The following CNTNAP2 variants were observed in gnomAD, a reference collection of about 807,000 sequenced individuals.
CNTNAP2 encodes the protein contactin-associated protein-like 2.
Under a neutral mutation model 155.2 loss-of-function variants are expected in CNTNAP2, and 98 were observed. The ratio of observed to expected loss-of-function variants is 0.63; its 90% CI spans 0.54 to 0.75. The LOEUF (loss-of-function observed/expected upper bound fraction) is 0.75. Ranked by LOEUF, CNTNAP2 falls within the 30% of genes least tolerant of loss-of-function variation. CNTNAP2 has a pLI of 0.00. For missense variants in CNTNAP2, 1,727 were observed against 1,688.1 expected (o/e 1.02, Z -0.40); for synonymous variants, 651 against 631.2 (o/e 1.03, Z -0.47).
At chr7:148,228,670 A>G (rs1389173181) in intron 19 of CNTNAP2, among the ~76,000 whole-genome samples, 1 of 150,260 alleles carries the variant, frequency 6.7e-6, no homozygotes, top group African/African-American at 2.4e-5. Context: ...AAAAATACCA[A>G]AAAAAAAATT....
In CNTNAP2 at chr7:147,667,830, AAAT is replaced by A. The variant is rs1340719543; in HGVS notation, c.2098+28527_2098+28529del. ...AAATAATAAAAAAAATAAAATAAAA[AAAT>A]AAAAGATACCAATGCAATTCTGGAA... is the stretch of plus-strand genomic sequence containing the variant. On this transcript the variant is annotated intron_variant, in intron 13 of 23. Transcript: ENST00000361727. 1.5e-3 allele frequency among the ~76,000 whole-genome samples: 219 copies of A among 148,936 alleles called. 3 individuals are homozygous for A. Among genetic ancestry groups the A allele is most frequent in the Middle Eastern group, 6.8e-3 (2 of 292 alleles).
chr7:146,921,627 T>C (rs1256428089), intron 3 of CNTNAP2, among the ~76,000 whole-genome samples: 2 of 152,068 alleles, frequency 1.3e-5, no homozygotes, highest in Non-Finnish European at 2.9e-5. Context: ...ATTTATTAAA[T>C]AATCACTACT....
chr7:147,913,807 G>T (rs901863481), intron 14 of CNTNAP2, among the ~76,000 whole-genome samples: 13 of 152,266 alleles, frequency 8.5e-5, no homozygotes, highest in African/African-American at 3.1e-4. Context: ...GAGATGATGT[G>T]AGAATCAGGG....
At chr7:146,838,171 C>T (rs1312866130) in intron 2 of CNTNAP2, among the ~76,000 whole-genome samples, 1 of 152,158 alleles carries the variant, frequency 6.6e-6, no homozygotes, top group Non-Finnish European at 1.5e-5. Flanking sequence ...TGTTTGGGAT[C>T]ATCTTCCATA....
chr7:148,225,501 G>T (rs1795828393), intron 19 of CNTNAP2, among the ~76,000 whole-genome samples: 1 of 152,136 alleles, frequency 6.6e-6, no homozygotes, highest in South Asian at 2.1e-4. Context: ...CAGGAGGTTA[G>T]GTCAGCAATA....
chr7:148,096,279 A>ATGTGTGTGTGTG (rs3056207), intron 15 of CNTNAP2, among the ~76,000 whole-genome samples: 1 of 144,722 alleles, frequency 6.9e-6, no homozygotes, highest in African/African-American at 2.5e-5. Flanking sequence ...GCATGCATGC[A>ATGTGTGTGTGTG]TGTGTGTGTG....
At chr7:146,738,160 C>G (rs1801652612) in intron 1 of CNTNAP2, among the ~76,000 whole-genome samples, 1 of 152,048 alleles carries the variant, frequency 6.6e-6, no homozygotes, top group Non-Finnish European at 1.5e-5. Context: ...TTTTTCTCCA[C>G]ATCCTCACCA....
chr7:148,291,293 T>C (rs528296380), intron 21 of CNTNAP2, among the ~76,000 whole-genome samples: 66 of 74,146 alleles, frequency 8.9e-4, no homozygotes, highest in African/African-American at 3.2e-3. Flanking sequence ...ATGGAATATA[T>C]ATATAATATA....
intron 17 of CNTNAP2, among the ~76,000 whole-genome samples, chr7:148,167,424 C>G (rs1805689141): frequency 6.6e-6 from 1 of 151,546 alleles, no homozygotes; most frequent in Admixed American, 6.6e-5. Flanking sequence ...CAGGAGTGAG[C>G]AAAACTTTAC....
chr7:146,200,771 A>C (rs534298605), intron 1 of CNTNAP2, among the ~76,000 whole-genome samples: 27 of 152,240 alleles, frequency 1.8e-4, no homozygotes, highest in Non-Finnish European at 3.1e-4. Context: ...CCCCTGGAGG[A>C]CACATTTCTT....
intron 1 of CNTNAP2, among the ~76,000 whole-genome samples, chr7:146,755,890 T>C (rs778396156): frequency 3.9e-5 from 6 of 151,928 alleles, no homozygotes; most frequent in African/African-American, 9.7e-5. Flanking sequence ...CAATAACATA[T>C]GTTTATTTGC....
intron 15 of CNTNAP2, among the ~76,000 whole-genome samples, chr7:147,991,329 G>T (rs2116881898): frequency 1.3e-5 from 2 of 148,652 alleles, no homozygotes; most frequent in Admixed American, 1.4e-4. Flanking sequence ...AACCACAAAA[G>T]ATGATTTAAA....
At chr7:146,517,727 C>G (rs1797561842) in intron 1 of CNTNAP2, among the ~76,000 whole-genome samples, 1 of 151,772 alleles carries the variant, frequency 6.6e-6, no homozygotes, top group Non-Finnish European at 1.5e-5. Flanking sequence ...GAAGCAGAGA[C>G]CACTCCAGGA....
At chr7:146,256,960 T>G (rs10227967) in intron 1 of CNTNAP2, among the ~76,000 whole-genome samples, 5,213 of 152,298 alleles carry the variant, frequency 0.034, 127 homozygotes, top group African/African-American at 0.065. Flanking sequence ...ATCCATAGGA[T>G]AGTTTAATAA....
intron 1 of CNTNAP2, among the ~76,000 whole-genome samples, chr7:146,762,343 G>A (rs957066259): frequency 6.6e-6 from 1 of 152,142 alleles, no homozygotes; most frequent in African/African-American, 2.4e-5. Flanking sequence ...GCTCACACCT[G>A]TAATCCCAGC....
At chr7:146,650,621 C>CA (rs1799894520) in intron 1 of CNTNAP2, among the ~76,000 whole-genome samples, 1 of 152,020 alleles carries the variant, frequency 6.6e-6, no homozygotes, top group South Asian at 2.1e-4. Context: ...AGCAAACCAC[C>CA]ACGCAGTTGT....
intron 13 of CNTNAP2, chr7:147,831,895 T>C (rs1005111891): frequency 1.3e-5 from 2 of 151,944 alleles, no homozygotes; most frequent in East Asian, 1.9e-4. Context: ...AAAGGATAAA[T>C]GCTTCAGGGG....
chr7:147,592,785 A>G (rs963041742), intron 12 of CNTNAP2, among the ~76,000 whole-genome samples: 8 of 152,210 alleles, frequency 5.3e-5, no homozygotes, highest in Non-Finnish European at 1.2e-4. Context: ...ATTTTCATTA[A>G]GCCCCTCATA....
At chr7:146,305,985 T>C (rs1294565266) in intron 1 of CNTNAP2, among the ~76,000 whole-genome samples, 1 of 151,650 alleles carries the variant, frequency 6.6e-6, no homozygotes, top group Non-Finnish European at 1.5e-5. Context: ...ATAAACAAAA[T>C]TGATAGACCG....
Sources: gnomAD v4.1 joint callset for allele counts (sites outside exome capture counted in the v4.1 genomes callset) on GRCh38, gnomAD v4.1.1 for gene constraint, MANE v1.5 for transcripts, NCBI Gene and HGNC (gene_info 2026-07-23, HGNC 2026-07-21) for gene names.